NDFIP2: variants seen among roughly 807,000 people sequenced by gnomAD.
NDFIP2 encodes NEDD4 family-interacting protein 2.
A neutral mutation model predicts 36.0 loss-of-function variants in NDFIP2; 19 were observed. The ratio of observed to expected loss-of-function variants is 0.53; its 90% confidence interval spans 0.37 to 0.77. The LOEUF (loss-of-function observed/expected upper bound fraction) is 0.77, where lower values mean the gene tolerates loss of function less well. Ranked by LOEUF, NDFIP2 falls within the 30% of genes least tolerant of loss-of-function variation. NDFIP2 has a pLI of 0.00. For synonymous variants in NDFIP2, 181 were observed against 167.7 expected, an observed-to-expected ratio of 1.08 and a Z score of -0.61; for missense variants, 446 against 435.8, an observed-to-expected ratio of 1.02 and a Z score of -0.21.
chr13:79,548,231 GATT>G (rs1204676107), intron 5 of NDFIP2, 94 bp from the exon 6 acceptor site: 2 of 939,760 alleles, frequency 2.1e-6, no homozygotes, highest in Non-Finnish European at 3.3e-6. Context: ...AAGTGTTAAA[GATT>G]ATTTGAAGTA....
At chr13:79,508,585 G>C (rs1430787603) in intron 1 of NDFIP2, among the ~76,000 whole-genome samples, 2 of 152,198 alleles carry the variant, frequency 1.3e-5, no homozygotes, top group African/African-American at 4.8e-5. Context: ...TGGTGGGAGT[G>C]TAGTAGTGAG....
chr13:79,484,385 G>A (rs1314685477), intron 1 of NDFIP2, among the ~76,000 whole-genome samples: 2 of 152,164 alleles, frequency 1.3e-5, no homozygotes, highest in African/African-American at 2.4e-5. Flanking sequence ...GTACCAAGCT[G>A]ACTTCTTATT....
At chr13:79,506,316 GACAC>G (rs1481073707) in intron 1 of NDFIP2, among the ~76,000 whole-genome samples, 2 of 151,864 alleles carry the variant, frequency 1.3e-5, no homozygotes, top group Non-Finnish European at 1.5e-5. Context: ...GATTCTCACA[GACAC>G]ACACAGACAC....
rs948686913 is a variant in NDFIP2, at chr13:79,554,541, C to T, written c.*2028C>T. On this transcript the variant is annotated 3_prime_UTR_variant, in exon 8 of 8. Coordinates refer to ENST00000218652, the MANE Select transcript of NDFIP2 (RefSeq NM_019080.3). ...TCACTTTTTGTTTTGACTTTTCCCC[C>T]CAAATCTGTAAGGTTCAAGTATACA... 2.0e-5 allele frequency: 3 copies of T among 151,708 alleles called. No homozygotes were observed. Among genetic ancestry groups the T allele is most frequent in the Admixed American group, 6.6e-5 (1 of 15,198 alleles). The allele number at this position is 151,708 out of a possible 1,614,324, so 9.4% of individuals were successfully genotyped here. A position where few individuals can be genotyped will look rare whatever the true frequency, so the allele number is the denominator to read the frequency against.
At chr13:79,485,489 C>T (rs528317315) in intron 1 of NDFIP2, among the ~76,000 whole-genome samples, 3 of 152,332 alleles carry the variant, frequency 2.0e-5, no homozygotes, top group African/African-American at 4.8e-5. Flanking sequence ...TCATTTTCCA[C>T]TGGAAAGAAG....
intron 2 of NDFIP2, among the ~76,000 whole-genome samples, chr13:79,523,705 A>G (rs905747240): frequency 6.6e-6 from 1 of 152,204 alleles, no homozygotes; most frequent in African/African-American, 2.4e-5. Flanking sequence ...ATGATATGAG[A>G]TGATAAAATG....
intron 2 of NDFIP2, among the ~76,000 whole-genome samples, chr13:79,521,437 T>C (rs1027224659): frequency 1.3e-5 from 2 of 152,240 alleles, no homozygotes; most frequent in African/African-American, 4.8e-5. Context: ...TTTAGTATAC[T>C]ATCTGATGAT....
chr13:79,530,236 G>A (rs1874963151), intron 2 of NDFIP2, among the ~76,000 whole-genome samples: 1 of 152,000 alleles, frequency 6.6e-6, no homozygotes, highest in Non-Finnish European at 1.5e-5. Context: ...CAACGCTCCT[G>A]CCTCAGCCTC....
intron 1 of NDFIP2, among the ~76,000 whole-genome samples, chr13:79,482,762 G>A (rs2079822831): frequency 6.6e-6 from 1 of 152,076 alleles, no homozygotes; most frequent in Admixed American, 6.5e-5. Flanking sequence ...TTTTCAATTG[G>A]TTTGCATTCC....
At chr13:79,496,840 A>G (rs992299496) in intron 1 of NDFIP2, among the ~76,000 whole-genome samples, 1 of 151,448 alleles carries the variant, frequency 6.6e-6, no homozygotes, top group Non-Finnish European at 1.5e-5. Context: ...TTTCATATTT[A>G]TTATTTTTCC....
chr13:79,548,419 G>T (rs777053573), intron 6 of NDFIP2, 25 bp downstream of exon 6: 9 of 1,499,738 alleles, frequency 6.0e-6, no homozygotes, highest in Non-Finnish European at 8.3e-6. Flanking sequence ...AATGCATTTA[G>T]TTTAACTTGG....
chr13:79,547,236 T>A (rs1875721147), intron 5 of NDFIP2, among the ~76,000 whole-genome samples: 1 of 152,156 alleles, frequency 6.6e-6, no homozygotes, highest in Non-Finnish European at 1.5e-5. Flanking sequence ...AAGCATTTTT[T>A]ATTTTTGCCA....
In NDFIP2 at chr13:79,481,381, G is replaced by A. The variant is rs1440033031; in HGVS notation, c.178G>A (p.Gly60Ser). ...PPGDRGCRNG[G>S]GRGPAATTSS... ...GGGAGACCGCGGCTGCAGGAACGGA[G>A]GCGGAAGGGGCCCTGCGGCGACGAC... The change falls in exon 1 of 8, where the codon GGC becomes AGC. Residue 60 changes from glycine to serine, a missense_variant. Coordinates refer to ENST00000218652, the MANE Select transcript of NDFIP2 (RefSeq NM_019080.3). 2.6e-6 allele frequency: 4 copies of A among 1,554,838 alleles called. No individual in the cohort carries two copies. Among genetic ancestry groups the A allele is most frequent in the Admixed American group, 3.9e-5 (2 of 51,100 alleles).
At chr13:79,493,246 C>T (rs1392587643) in intron 1 of NDFIP2, among the ~76,000 whole-genome samples, 1 of 152,132 alleles carries the variant, frequency 6.6e-6, no homozygotes, top group Non-Finnish European at 1.5e-5. Context: ...CATGGCGATA[C>T]TGGTATATTT....
rs751880728 is a variant in NDFIP2, at chr13:79,481,455, CT to C, written c.253del (p.Ser85LeufsTer36). ...VGAEHGEDSL[S>X]RKPDPEPGRM... ...GAGCTGAGCACGGAGAAGACTCCCT[CT>C]CTCGGAAGCCGGATCCCGAGCCGGG... On this transcript the variant is annotated frameshift_variant, in exon 1 of 8. Coordinates refer to ENST00000218652, the MANE Select transcript of NDFIP2 (RefSeq NM_019080.3). LOFTEE classifies it high-confidence loss of function. The C allele has an allele frequency of 1.9e-5, 29 of 1,562,990 alleles. No homozygotes were observed. The highest frequency in any genetic ancestry group is 2.4e-5 in the Non-Finnish European group (28 of 1,153,236).
intron 5 of NDFIP2, among the ~76,000 whole-genome samples, chr13:79,545,936 G>A (rs1026686056): frequency 2.0e-5 from 3 of 152,200 alleles, no homozygotes; most frequent in African/African-American, 4.8e-5. Context: ...GGGTTTCACC[G>A]CGTTGCCCAG....
rs1315159260 is a variant in NDFIP2, at chr13:79,481,650, T to G, written c.321+126T>G. On this transcript the variant is annotated intron_variant, in intron 1 of 7. Transcript: ENST00000218652. Reference sequence around the variant, plus strand: ...TTTTTGTTGTGTTTTGTTTTGTTTTTTTGGATCTTCTGGCTGGAGCTGCTT... The same window carrying G: ...TTTTTGTTGTGTTTTGTTTTGTTTTGTTGGATCTTCTGGCTGGAGCTGCTT... The G allele has an allele frequency of 2.5e-6, 3 of 1,221,898 alleles. No homozygotes were observed. In the East Asian group the frequency reaches 8.0e-5, roughly 32 times the overall value. The allele number at this position is 1,221,898 out of a possible 1,614,324, so 75.7% of individuals were successfully genotyped here.
chr13:79,496,342 T>G (rs1364789526), intron 1 of NDFIP2, among the ~76,000 whole-genome samples: 2 of 151,932 alleles, frequency 1.3e-5, no homozygotes, highest in African/African-American at 2.4e-5. Flanking sequence ...GGCTGAGTAT[T>G]TGTCTGTTAG....
intron 5 of NDFIP2, among the ~76,000 whole-genome samples, chr13:79,547,274 A>T (rs1594860882): frequency 6.6e-6 from 1 of 152,132 alleles, no homozygotes; most frequent in East Asian, 1.9e-4. Flanking sequence ...GCTTATATAG[A>T]AATTACCAAC....
Sources: gnomAD v4.1 joint callset for allele counts (sites outside exome capture counted in the v4.1 genomes callset) on GRCh38, gnomAD v4.1.1 for gene constraint, MANE v1.5 for transcripts, NCBI Gene and HGNC (gene_info 2026-07-23, HGNC 2026-07-21) for gene names.